DCC: variants seen among roughly 807,000 people sequenced by gnomAD.
DCC encodes netrin receptor DCC.
Under a neutral mutation model 172.5 loss-of-function variants are expected in DCC, and 58 were observed. The ratio of observed to expected loss-of-function variants is 0.34; its 90% CI spans 0.27 to 0.42. The LOEUF is 0.42. DCC is among the 10% of genes least tolerant of loss of function. The pLI, the probability that DCC is intolerant of heterozygous loss-of-function variation, is 1.00. For missense variants in DCC, 1,740 were observed against 1,791.0 expected (o/e 0.97, Z 0.51); for synonymous variants, 709 against 644.5 (o/e 1.10, Z -1.52).
intron 1 of DCC, among the ~76,000 whole-genome samples, chr18:52,599,903 T>G (rs2033983224): frequency 6.6e-6 from 1 of 152,194 alleles, no homozygotes; most frequent in Non-Finnish European, 1.5e-5. Context: ...TGCGTGCTGT[T>G]ATCGCCCCTG....
intron 1 of DCC, among the ~76,000 whole-genome samples, chr18:52,421,360 A>G (rs1598805252): frequency 1.3e-5 from 2 of 152,308 alleles, no homozygotes; most frequent in African/African-American, 2.4e-5. Flanking sequence ...GTCCGATGAC[A>G]TTCCTAGTAA....
chr18:52,995,515 G>A (rs780090526), intron 5 of DCC, among the ~76,000 whole-genome samples: 47 of 151,282 alleles, frequency 3.1e-4, no homozygotes, highest in African/African-American at 4.9e-5. Context: ...CAAACACAGC[G>A]ATTGTGTTTG....
chr18:52,561,062 T>C (rs2033024604), intron 1 of DCC, among the ~76,000 whole-genome samples: 1 of 152,142 alleles, frequency 6.6e-6, no homozygotes, highest in African/African-American at 2.4e-5. Flanking sequence ...TCAATACTGA[T>C]ATATAGGAAA....
At chr18:52,691,267 C>G (rs1394041778) in intron 1 of DCC, among the ~76,000 whole-genome samples, 1 of 151,680 alleles carries the variant, frequency 6.6e-6, no homozygotes, top group African/African-American at 2.4e-5. Context: ...TAGAGATCAC[C>G]CTGCAGGAAC....
chr18:52,953,981 A>G (rs560355036), intron 5 of DCC, among the ~76,000 whole-genome samples: 14 of 152,348 alleles, frequency 9.2e-5, no homozygotes, highest in African/African-American at 3.4e-4. Flanking sequence ...GTGCCCTGAT[A>G]TGTTTAAATT....
chr18:52,873,331 A>C (rs1215580553), intron 2 of DCC, among the ~76,000 whole-genome samples: 1 of 152,214 alleles, frequency 6.6e-6, no homozygotes, highest in Middle Eastern at 3.2e-3. Flanking sequence ...AACCTCAGCC[A>C]TAGGCTCAGG....
intron 7 of DCC, among the ~76,000 whole-genome samples, chr18:53,141,647 A>G (rs2043832097): frequency 6.6e-6 from 1 of 152,200 alleles, no homozygotes; most frequent in South Asian, 2.1e-4. Flanking sequence ...GGATTCTTTC[A>G]ATGACACATT....
At chr18:52,674,904 C>T (rs116984758) in intron 1 of DCC, among the ~76,000 whole-genome samples, 3,444 of 152,292 alleles carry the variant, frequency 0.023, 62 homozygotes, top group Middle Eastern at 0.037. Flanking sequence ...TTAACATCAA[C>T]ACAGACTTTT....
chr18:52,959,838 A>G (rs2040813076), intron 5 of DCC, among the ~76,000 whole-genome samples: 1 of 152,168 alleles, frequency 6.6e-6, no homozygotes, highest in South Asian at 2.1e-4. Flanking sequence ...ATGGGATACT[A>G]GTATGTTTTC....
chr18:53,193,478 A>G (rs2055396296), intron 9 of DCC, among the ~76,000 whole-genome samples: 1 of 140,370 alleles, frequency 7.1e-6, no homozygotes, highest in Non-Finnish European at 1.5e-5. Context: ...TCTGGTAAGC[A>G]CTGCCCATTT....
intron 2 of DCC, among the ~76,000 whole-genome samples, chr18:52,777,315 A>G (rs1176364054): frequency 3.7e-5 from 2 of 54,012 alleles, no homozygotes; most frequent in Non-Finnish European, 9.0e-5. Context: ...CCTGAAGGCC[A>G]TGAGAACTCA....
At chr18:52,935,307 A>C (rs1168403914) in intron 5 of DCC, among the ~76,000 whole-genome samples, 2 of 152,076 alleles carry the variant, frequency 1.3e-5, no homozygotes, top group Non-Finnish European at 2.9e-5. Context: ...CCCTTTATTT[A>C]ATAATTACTA....
chr18:52,701,101 A>T (rs1346821669), intron 1 of DCC, among the ~76,000 whole-genome samples: 1 of 152,210 alleles, frequency 6.6e-6, no homozygotes, highest in African/African-American at 2.4e-5. Flanking sequence ...TCTGATAAGG[A>T]CTTATCTAAT....
At chr18:52,800,424 C>G (rs2037962480) in intron 2 of DCC, among the ~76,000 whole-genome samples, 1 of 152,108 alleles carries the variant, frequency 6.6e-6, no homozygotes, top group Non-Finnish European at 1.5e-5. Context: ...AATGACATTT[C>G]CAGTGAGATT....
intron 12 of DCC, among the ~76,000 whole-genome samples, chr18:53,249,219 G>T (rs1336903110): frequency 6.6e-6 from 1 of 151,892 alleles, no homozygotes; most frequent in Non-Finnish European, 1.5e-5. Flanking sequence ...TGTCAATTTT[G>T]TTACATCATT....
intron 3 of DCC, among the ~76,000 whole-genome samples, chr18:52,917,292 C>A (rs999847940): frequency 2.0e-5 from 3 of 152,004 alleles, no homozygotes; most frequent in Non-Finnish European, 2.9e-5. Flanking sequence ...GCAACCCAGC[C>A]TGGGCAACAG....
At chr18:52,446,764 A>G (rs1258995216) in intron 1 of DCC, among the ~76,000 whole-genome samples, 2 of 152,156 alleles carry the variant, frequency 1.3e-5, no homozygotes, top group Admixed American at 6.5e-5. Context: ...TGCCATTGAG[A>G]TGAAGAGAGT....
At chr18:52,610,083 G>A (rs1463378880) in intron 1 of DCC, among the ~76,000 whole-genome samples, 3 of 144,058 alleles carry the variant, frequency 2.1e-5, no homozygotes, top group Admixed American at 7.0e-5. Flanking sequence ...GGATGCTGAG[G>A]CGGGTGGATC....
intron 1 of DCC, among the ~76,000 whole-genome samples, chr18:52,533,056 T>G (rs904976015): frequency 6.6e-6 from 1 of 152,156 alleles, no homozygotes; most frequent in Non-Finnish European, 1.5e-5. Flanking sequence ...ATGTGGCCTT[T>G]AAAATATTTG....
Sources: allele counts gnomAD v4.1 joint callset (sites outside exome capture counted in the v4.1 genomes callset), GRCh38; gene constraint gnomAD v4.1.1; transcripts MANE v1.5; gene names NCBI Gene and HGNC (gene_info 2026-07-23, HGNC 2026-07-21).